Variants in IPO11 observed in about 807,000 individuals in gnomAD.
The protein encoded by IPO11 is importin-11.
IPO11 carries 66 observed loss-of-function variants against 143.2 expected under a neutral mutation model. That is an observed-to-expected ratio of 0.46 (90% CI 0.38 to 0.57). The LOEUF (loss-of-function observed/expected upper bound fraction) is 0.57, where lower values mean the gene tolerates loss of function less well. Among genes scored for constraint, IPO11 ranks in the 20% least tolerant of loss-of-function variants. The probability of loss-of-function intolerance (pLI) is 0.00; values close to 1 mark genes in which losing one functional copy is unlikely to be tolerated. For synonymous variants in IPO11, 385 were observed against 377.8 expected (o/e 1.02, Z -0.22); for missense variants, 1,026 against 1,141.0 (o/e 0.90, Z 1.45).
intron 4 of IPO11, among the ~76,000 whole-genome samples, chr5:62,450,835 C>T (rs901441331): frequency 6.6e-6 from 1 of 151,616 alleles, no homozygotes; most frequent in South Asian, 2.1e-4. Context: ...CTTATAGGTA[C>T]AATAATTCTT....
chr5:62,588,512 C>T lies in IPO11; in HGVS notation c.2583-3065C>T, dbSNP rs180922189. Among the ~76,000 whole-genome samples, 107 of 152,312 alleles carry T rather than the reference C, an allele frequency of 7.0e-4. 1 individual carries two copies. The highest frequency in any genetic ancestry group is 1.6e-3 in the Admixed American group (24 of 15,300). On this transcript the variant is annotated intron_variant, in intron 27 of 29. Transcript: ENST00000325324. ...CCTCCCGAAGTGCTGGAATTATAGG[C>T]GTGAGCCGCCATGCCTGGCATAAAC...
At chr5:62,582,620 A>G (rs565475466) in intron 27 of IPO11, among the ~76,000 whole-genome samples, 6 of 152,286 alleles carry the variant, frequency 3.9e-5, no homozygotes, top group Non-Finnish European at 8.8e-5. Context: ...AGTAACAATA[A>G]CCATTTAAGC....
At chr5:62,416,719 T>A (rs1057439417) in intron 1 of IPO11, among the ~76,000 whole-genome samples, 15 of 151,874 alleles carry the variant, frequency 9.9e-5, no homozygotes, top group African/African-American at 3.6e-4. Context: ...TATTATCTTT[T>A]TTTTTTTTTA....
At chr5:62,602,314 A>G (rs1386547910) in intron 29 of IPO11, among the ~76,000 whole-genome samples, 2 of 151,956 alleles carry the variant, frequency 1.3e-5, no homozygotes, top group East Asian at 1.9e-4. Flanking sequence ...GGAATCTGAT[A>G]AGGGGAAAAG....
Position 62,561,136 on chromosome 5 carries a change from A to T in IPO11, c.2461A>T (p.Met821Leu). The part of the protein sequence containing the change: ...NEMAHKFNQE[M>L]DQLLGNMIEM... ...GAGATGCCTCCTCCTCTTGTTTCAG[A>T]TGGACCAGCTTTTGGGAAATATGAT... The change falls in exon 27 of 30, where the codon ATG (methionine) becomes TTG (leucine). Residue 821 changes from methionine to leucine, a missense_variant and splice_region_variant. Around this residue, in one of 5 missense-constraint regions of IPO11, gnomAD observed 351 missense variants for 358.9 expected, o/e 0.98. Coordinates refer to ENST00000325324, the MANE Select transcript of IPO11 (RefSeq NM_016338.5). 2 of 1,602,862 alleles carry T rather than the reference A, an allele frequency of 1.2e-6. No homozygotes were observed. Among genetic ancestry groups the T allele is most frequent in the Non-Finnish European group, 8.5e-7 (1 of 1,175,328 alleles).
At chr5:62,431,135 C>T (rs988461937) in intron 1 of IPO11, among the ~76,000 whole-genome samples, 1 of 151,832 alleles carries the variant, frequency 6.6e-6, no homozygotes, top group Non-Finnish European at 1.5e-5. Flanking sequence ...TGCTACGGTA[C>T]GCCTGGCTAA....
rs1167128810 is a variant in IPO11, at chr5:62,561,194, C to T, written c.2519C>T (p.Thr840Ile). 1.2e-6 allele frequency: 2 copies of T among 1,611,116 alleles called. No homozygotes were observed. The highest frequency in any genetic ancestry group is 1.7e-5 in the Admixed American group (1 of 59,674). ...TGGGTTGATCGAATGGACAACATTA[C>T]CCAGCCTGAAAGAAGAAAACTTTCA... Reference protein sequence around the residue: ...EMWVDRMDNITQPERRKLSAL... With the variant: ...EMWVDRMDNIIQPERRKLSAL... The change falls in exon 27 of 30, where the codon ACC becomes ATC. Residue 840 changes from threonine (T) to isoleucine (I), a missense_variant. Thr to Ile is a moderately conservative substitution (Grantham distance 89). This residue lies in a region of IPO11 where 351 missense variants were observed against 358.9 expected (regional missense o/e 0.98). Transcript: ENST00000325324.
intron 27 of IPO11, among the ~76,000 whole-genome samples, chr5:62,588,491 C>CCGAA (rs1744888540): frequency 6.6e-6 from 1 of 152,184 alleles, no homozygotes; most frequent in South Asian, 2.1e-4. Flanking sequence ...CCTCAGCCTC[C>CCGAA]CGAAGTGCTG....
At chr5:62,487,916 A>G (rs1478374136) in intron 13 of IPO11, 55 bp downstream of exon 13, 1 of 1,470,644 alleles carries the variant, frequency 6.8e-7, no homozygotes, top group Non-Finnish European at 9.4e-7. Flanking sequence ...TTTAGTTAAG[A>G]AATAGTCTGA....
chr5:62,464,160 T>G (rs1745485063), intron 5 of IPO11, among the ~76,000 whole-genome samples: 2 of 142,910 alleles, frequency 1.4e-5, no homozygotes, highest in Non-Finnish European at 3.1e-5. Flanking sequence ...TTTTTTTTTT[T>G]TTTTTTTTGA....
rs1561380827 is a variant in IPO11 at position 62,598,507 on chromosome 5, TTTCTTTCTTTC to T, written c.2679-3254_2679-3244del. Reference sequence around the variant, plus strand: ...CTCTCTCTCTCTCTTTCTTTCTTTCTTTCTTTCTTTCTTTCTTTCTTTTCTTTCTTTTCTTT... The same window carrying T: ...CTCTCTCTCTCTCTTTCTTTCTTTCTTTTCTTTCTTTTCTTTCTTTTCTTT... On this transcript the variant is annotated intron_variant, in intron 28 of 29. Coordinates refer to ENST00000325324, the MANE Select transcript of IPO11 (RefSeq NM_016338.5). Among the ~76,000 whole-genome samples the T allele has an allele frequency of 1.3e-3, 9 of 7,020 alleles. 3 individuals carry two copies. Among genetic ancestry groups the T allele is most frequent in the Admixed American group, 5.6e-3 (2 of 360 alleles). 4.6% of individuals were successfully genotyped at this position (7,020 alleles called of 152,430 possible).
intron 22 of IPO11, among the ~76,000 whole-genome samples, chr5:62,533,019 T>C (rs1023512022): frequency 6.6e-6 from 1 of 152,152 alleles, no homozygotes; most frequent in Non-Finnish European, 1.5e-5. Flanking sequence ...TTTCTACTTT[T>C]ATTGTTCAAA....
At chr5:62,445,283 A>C (rs1220022116) in intron 3 of IPO11, among the ~76,000 whole-genome samples, 1 of 152,124 alleles carries the variant, frequency 6.6e-6, no homozygotes, top group Non-Finnish European at 1.5e-5. Context: ...TACCATATAC[A>C]TTGCAGTGTA....
chr5:62,582,508 T>C (rs192062708), intron 27 of IPO11, among the ~76,000 whole-genome samples: 66 of 152,308 alleles, frequency 4.3e-4, no homozygotes, highest in African/African-American at 1.3e-3. Flanking sequence ...CATGGAAATA[T>C]ATATCATGCA....
intron 27 of IPO11, among the ~76,000 whole-genome samples, chr5:62,568,800 T>A (rs1443739314): frequency 6.6e-6 from 1 of 152,146 alleles, no homozygotes; most frequent in East Asian, 1.9e-4. Context: ...TTCTTGATGC[T>A]TGTAGAGGTA....
At position 62,412,790 on chromosome 5, in the gene IPO11, G is replaced by A. The variant is rs1466399690; in HGVS notation, c.-146G>A. Reference sequence around the variant, plus strand: ...CGTTTGGAGCTGCGACGCCAAACATGGCGTGTTCCTAGAAGCCGCTTTCGG... The same window carrying A: ...CGTTTGGAGCTGCGACGCCAAACATAGCGTGTTCCTAGAAGCCGCTTTCGG... On this transcript the variant is annotated 5_prime_UTR_variant, in exon 1 of 30. The change abolishes an upstream ATG in the 5' untranslated region. Coordinates refer to ENST00000325324, the MANE Select transcript of IPO11 (RefSeq NM_016338.5). The A allele has an allele frequency of 1.3e-5, 2 of 152,748 alleles. No individual in the cohort carries two copies. The highest frequency in any genetic ancestry group is 4.8e-5 in the African/African-American group (2 of 41,478). 9.5% of individuals were successfully genotyped at this position (152,748 alleles called of 1,614,324 possible).
chr5:62,467,283 G>A lies in IPO11; in HGVS notation c.649+20G>A, dbSNP rs763463619. Reference sequence around the variant, plus strand: ...TGAAAGGTACTATTAAGCTTGATATGTTCATTTTTGAAATGAGATACCTCA... The same window carrying A: ...TGAAAGGTACTATTAAGCTTGATATATTCATTTTTGAAATGAGATACCTCA... On this transcript the variant is annotated intron_variant, in intron 6 of 29. Transcript: ENST00000325324. 6 of 1,598,894 alleles carry A rather than the reference G, an allele frequency of 3.8e-6. No homozygotes were observed. Among genetic ancestry groups the A allele is most frequent in the East Asian group, 4.5e-5 (2 of 44,656 alleles).
rs1285144731 is a variant in IPO11 at position 62,605,290 on chromosome 5, T to A, written c.2763+3442T>A. Among the ~76,000 whole-genome samples the A allele has an allele frequency of 2.0e-5, 3 of 152,222 alleles. No homozygotes were observed. The East Asian group carries it at 5.8e-4, about 29-fold the overall frequency. ...AGTGATTGTAGTTCAGAAAGGCAGA[T>A]GATTAATATTATATCAAATGTGCCA... On this transcript the variant is annotated intron_variant, in intron 29 of 29. Coordinates refer to ENST00000325324, the MANE Select transcript of IPO11 (RefSeq NM_016338.5).
chr5:62,512,998 AC>A (rs1383595969), intron 19 of IPO11, among the ~76,000 whole-genome samples: 8 of 149,730 alleles, frequency 5.3e-5, no homozygotes, highest in Non-Finnish European at 8.9e-5. Context: ...CTACACAGAC[AC>A]GGCAACCATC....
Sources: gnomAD v4.1 joint callset for allele counts (sites outside exome capture counted in the v4.1 genomes callset) on GRCh38, gnomAD v4.1.1 for gene constraint, gnomAD v4.1.1 regional missense constraint, MANE v1.5 for transcripts, NCBI Gene and HGNC (gene_info 2026-07-23, HGNC 2026-07-21) for gene names.